Variants in TMCC3 observed in about 807,000 individuals in gnomAD.
The protein encoded by TMCC3 is transmembrane and coiled-coil domain protein 3.
In TMCC3, 28 loss-of-function variants were observed where a neutral mutation model predicts 40.2. The observed-to-expected ratio is 0.70, with a 90% confidence interval of 0.52 to 0.95. The LOEUF is 0.95. Ranked by LOEUF, TMCC3 falls within the 40% of genes least tolerant of loss-of-function variation. The pLI, the probability that TMCC3 is intolerant of heterozygous loss-of-function variation, is 0.00. For synonymous variants in TMCC3, 255 were observed against 248.5 expected (o/e 1.03, Z -0.25); for missense variants, 554 against 615.2 (o/e 0.90, Z 1.05).
intron 1 of TMCC3, among the ~76,000 whole-genome samples, chr12:94,637,590 T>C (rs1040882573): frequency 2.6e-5 from 4 of 152,234 alleles, no homozygotes; most frequent in South Asian, 2.1e-4. Context: ...AGCGTGGTAA[T>C]ATCATAATTT....
chr12:94,580,546 C>T (rs2068594010), intron 2 of TMCC3, among the ~76,000 whole-genome samples: 1 of 152,058 alleles, frequency 6.6e-6, no homozygotes, highest in Admixed American at 6.6e-5. Context: ...ACCAGCCTGG[C>T]CAATATGGTG....
Position 94,571,328 on chromosome 12 carries a change from T to C in TMCC3, c.*107A>G, listed in dbSNP as rs1263250670. 5 of 1,193,144 alleles carry C rather than the reference T, an allele frequency of 4.2e-6. No individual in the cohort carries two copies. The highest frequency in any genetic ancestry group is 4.7e-6 in the Non-Finnish European group (4 of 850,096). 73.9% of individuals were successfully genotyped at this position (1,193,144 alleles called of 1,614,324 possible). On this transcript the variant is annotated 3_prime_UTR_variant, in exon 4 of 4. Transcript: ENST00000261226. ...ATTTACACCACACAGTCCTAGTTTT[T>C]CTTACACACGAGTCCGCACAATCAT... is the stretch of plus-strand genomic sequence containing the variant.
intron 1 of TMCC3, among the ~76,000 whole-genome samples, chr12:94,630,721 TTTTTG>T (rs373879541): frequency 3.3e-5 from 5 of 151,892 alleles, no homozygotes; most frequent in Admixed American, 6.6e-5. Context: ...ACGTTTTGTG[TTTTTG>T]TTTTGTTTTG....
chr12:94,573,959 T>C (rs76397114), intron 3 of TMCC3, among the ~76,000 whole-genome samples: 2,535 of 152,250 alleles, frequency 0.017, 58 homozygotes, highest in East Asian at 0.049. Context: ...CCACAAGACA[T>C]ACGCTGCCTG....
intron 1 of TMCC3, among the ~76,000 whole-genome samples, chr12:94,594,190 T>A (rs1443970068): frequency 9.0e-6 from 1 of 111,204 alleles, no homozygotes; most frequent in African/African-American, 3.7e-5. Context: ...CCATGCCTTT[T>A]AAATTTAAAT....
rs1013893584 is a variant in TMCC3, at chr12:94,620,866, T to C, written c.78+29487A>G. Among the ~76,000 whole-genome samples the C allele has an allele frequency of 2.6e-5, 4 of 152,354 alleles. No homozygotes were observed. The South Asian group carries it at 6.2e-4, about 24-fold the overall frequency. On this transcript the variant is annotated intron_variant, in intron 1 of 3. Transcript: ENST00000261226. ...GTTGCTGACTCTTCTACAATCTAAG[T>C]GGCTCAATGTAAACCATTCCCCTTG...
At chr12:94,626,035 G>A (rs2068902708) in intron 1 of TMCC3, among the ~76,000 whole-genome samples, 1 of 152,158 alleles carries the variant, frequency 6.6e-6, no homozygotes, top group Non-Finnish European at 1.5e-5. Flanking sequence ...CATGGCTGGG[G>A]AGGCCTCAGG....
intron 1 of TMCC3, among the ~76,000 whole-genome samples, chr12:94,597,234 G>A (rs559776099): frequency 6.8e-6 from 1 of 146,008 alleles, no homozygotes; most frequent in South Asian, 2.2e-4. Context: ...AGGACTGATT[G>A]AACCCAGGAG....
intron 1 of TMCC3, among the ~76,000 whole-genome samples, chr12:94,624,492 C>T (rs1365460085): frequency 3.3e-5 from 5 of 151,864 alleles, no homozygotes; most frequent in Admixed American, 2.0e-4. Context: ...GCAGGTGGAT[C>T]GTCTGAGCTC....
intron 1 of TMCC3, chr12:94,644,375 G>T (rs1366432199): frequency 1.0e-6 from 1 of 985,234 alleles, no homozygotes; most frequent in Non-Finnish European, 1.2e-6. Flanking sequence ...TTCCAAGTAG[G>T]ACTAGGTTGA....
intron 1 of TMCC3, among the ~76,000 whole-genome samples, chr12:94,629,526 G>A (rs1212081443): frequency 6.6e-6 from 1 of 152,228 alleles, no homozygotes; most frequent in African/African-American, 2.4e-5. Context: ...ACACCGTGAA[G>A]CACCAAGGGT....
intron 1 of TMCC3, among the ~76,000 whole-genome samples, chr12:94,645,336 T>G (rs1330102105): frequency 6.6e-6 from 1 of 152,230 alleles, no homozygotes; most frequent in Non-Finnish European, 1.5e-5. Flanking sequence ...TAGCAGCCTT[T>G]CCGTTTCTAA....
At chr12:94,640,476 A>G (rs1473458122) in intron 1 of TMCC3, among the ~76,000 whole-genome samples, 1 of 152,144 alleles carries the variant, frequency 6.6e-6, no homozygotes, top group Non-Finnish European at 1.5e-5. Context: ...GAGCCACCAC[A>G]CCCAGTGCTA....
At position 94,624,779 on chromosome 12, in the gene TMCC3, C is replaced by T. The variant is rs368569816; in HGVS notation, c.78+25574G>A. ...AAGTACTGATTCATGCTACAACATG[C>T]GTGAACCTTTTAAGAGAGGGGGAAA... On this transcript the variant is annotated intron_variant, in intron 1 of 3. Transcript: ENST00000261226. Among the ~76,000 whole-genome samples, 16 of 151,964 alleles carry T rather than the reference C, an allele frequency of 1.1e-4. 1 individual carries two copies. The highest frequency in any genetic ancestry group is 3.3e-4 in the Admixed American group (5 of 15,232).
intron 1 of TMCC3, among the ~76,000 whole-genome samples, chr12:94,624,322 T>G (rs2068891282): frequency 6.6e-6 from 1 of 152,178 alleles, no homozygotes; most frequent in South Asian, 2.1e-4. Flanking sequence ...CCACAAAAAC[T>G]TACACAGAAG....
At chr12:94,611,806 G>A (rs1305292818) in intron 1 of TMCC3, among the ~76,000 whole-genome samples, 4 of 151,628 alleles carry the variant, frequency 2.6e-5, no homozygotes, top group African/African-American at 9.7e-5. Flanking sequence ...CAGTACAGAT[G>A]CAATTTTTCT....
intron 1 of TMCC3, among the ~76,000 whole-genome samples, chr12:94,622,637 A>G (rs1388684605): frequency 6.6e-6 from 1 of 152,114 alleles, no homozygotes; most frequent in African/African-American, 2.4e-5. Context: ...GATCCAAAAA[A>G]CACATTCATC....
intron 1 of TMCC3, among the ~76,000 whole-genome samples, chr12:94,638,823 A>G (rs2068974314): frequency 6.6e-6 from 1 of 152,264 alleles, no homozygotes; most frequent in African/African-American, 2.4e-5. Context: ...AGAATTGAAC[A>G]CACTGGAGTA....
intron 1 of TMCC3, among the ~76,000 whole-genome samples, chr12:94,625,048 A>C (rs1012012973): frequency 9.3e-5 from 14 of 151,282 alleles, no homozygotes; most frequent in Non-Finnish European, 1.5e-4. Flanking sequence ...AGGCTGAGGC[A>C]GGAGAATCGC....
Sources: gnomAD v4.1 joint callset for allele counts (sites outside exome capture counted in the v4.1 genomes callset) on GRCh38, gnomAD v4.1.1 for gene constraint, MANE v1.5 for transcripts, NCBI Gene and HGNC (gene_info 2026-07-23, HGNC 2026-07-21) for gene names.